SHPRH: variants seen among roughly 807,000 people sequenced by gnomAD.
SHPRH encodes E3 ubiquitin-protein ligase SHPRH.
SHPRH carries 106 observed loss-of-function variants against 202.5 expected under a neutral mutation model. The ratio of observed to expected loss-of-function variants is 0.52; its 90% CI spans 0.45 to 0.62. The LOEUF (loss-of-function observed/expected upper bound fraction) is 0.62, where lower values mean the gene tolerates loss of function less well. Ranked by LOEUF, SHPRH falls within the 20% of genes least tolerant of loss-of-function variation. SHPRH has a pLI of 0.00. For missense variants in SHPRH, 1,710 were observed against 2,020.0 expected, an observed-to-expected ratio of 0.85 and a Z score of 2.94; for synonymous variants, 729 against 686.0, an observed-to-expected ratio of 1.06 and a Z score of -0.98.
downstream of SHPRH, among the ~76,000 whole-genome samples, chr6:145,862,440 A>AC (rs1554219706): frequency 7.8e-5 from 10 of 127,770 alleles, no homozygotes; most frequent in South Asian, 2.6e-4. Context: ...AAACAAAACA[A>AC]AAAAACAAAA....
chr6:145,909,112 T>G (rs1375039602), intron 25 of SHPRH: 1 of 152,102 alleles, frequency 6.6e-6, no homozygotes, highest in Non-Finnish European at 1.5e-5. Flanking sequence ...TATGTCTGTT[T>G]TGGTACCATT....
downstream of SHPRH, among the ~76,000 whole-genome samples, chr6:145,882,646 T>G (rs1312301672): frequency 6.6e-6 from 1 of 152,116 alleles, no homozygotes; most frequent in Non-Finnish European, 1.5e-5. Flanking sequence ...CAATGGAAAT[T>G]TTTACAAAGG....
Position 145,910,521 on chromosome 6 carries a change from G to C in SHPRH, c.4442C>G (p.Thr1481Ser). ...ATACGAGATTTCTTTGTGAGATGTGGTCTGGCGGCAGATTGCACACTTAAT... is the reference window on the plus strand; with the variant it reads ...ATACGAGATTTCTTTGTGAGATGTGCTCTGGCGGCAGATTGCACACTTAAT... ...SSIKCAICRQ[T>S]TSHKEISYVF... Residue 1481 changes from threonine to serine, a missense_variant, in exon 25 of 30, where the codon ACC becomes AGC. By Grantham distance (58) the Thr-to-Ser change is moderately conservative. Around this residue, in one of 8 missense-constraint regions of SHPRH, gnomAD observed 306 missense variants for 479.5 expected, o/e 0.64. Transcript: ENST00000275233. 1 of 1,612,966 alleles carries C rather than the reference G, an allele frequency of 6.2e-7. No individual in the cohort carries two copies. The highest frequency in any genetic ancestry group is 8.5e-7 in the Non-Finnish European group (1 of 1,179,572).
rs1418607696 is a variant in SHPRH, at chr6:145,885,069, G to A, written c.*1622C>T. On this transcript the variant is annotated 3_prime_UTR_variant, in exon 30 of 30. Coordinates refer to ENST00000275233, the MANE Select transcript of SHPRH (RefSeq NM_001042683.3). Reference sequence around the variant, plus strand: ...CATGACATGTTATTAGTAAAAGAATGTAAGATATGGAGTCAGGGGACCTGG... The same window carrying A: ...CATGACATGTTATTAGTAAAAGAATATAAGATATGGAGTCAGGGGACCTGG... 1 of 152,142 alleles carries A rather than the reference G, an allele frequency of 6.6e-6. No individual in the cohort carries two copies. The highest frequency in any genetic ancestry group is 6.5e-5 in the Admixed American group (1 of 15,270). 9.4% of individuals were successfully genotyped at this position (152,142 alleles called of 1,614,324 possible). A position where few individuals can be genotyped will look rare whatever the true frequency, so the allele number is the denominator to read the frequency against.
intron 25 of SHPRH, among the ~76,000 whole-genome samples, chr6:145,901,736 T>TTAAC (rs1378615094): frequency 6.6e-6 from 1 of 150,952 alleles, no homozygotes; most frequent in Non-Finnish European, 1.5e-5. Context: ...AAAGTTGTAC[T>TTAAC]TAACTATAAG....
At chr6:145,883,513 A>AAGG (rs1473952568), downstream of SHPRH, 4 of 152,250 alleles carry the variant, frequency 2.6e-5, no homozygotes, top group Non-Finnish European at 5.9e-5. Context: ...GGGGTTATCA[A>AAGG]TTACTTACAT....
intron 11 of SHPRH, 144 bp from the exon 12 acceptor site, chr6:145,935,585 C>T: frequency 1.3e-6 from 1 of 757,892 alleles, no homozygotes; most frequent in South Asian, 2.1e-5. Context: ...ATCTGAAATT[C>T]AATTCCAATT....
chr6:145,945,285 C>A (rs1462693800), intron 8 of SHPRH, 96 bp downstream of exon 8: 1 of 1,370,902 alleles, frequency 7.3e-7, no homozygotes, highest in African/African-American at 1.5e-5. Flanking sequence ...ATCTTCAGAT[C>A]GTAAGAGTTT....
chr6:145,918,845 T>C (rs904609494), intron 22 of SHPRH: 1 of 153,230 alleles, frequency 6.5e-6, no homozygotes, highest in African/African-American at 2.4e-5. Context: ...AATAATATCT[T>C]TTAATGGAGA....
In SHPRH at chr6:145,934,984, C is replaced by T. The variant is rs541209871; in HGVS notation, c.2913G>A (p.Leu971=). Residue 971 remains leucine (L), a synonymous_variant, in exon 13 of 30, where the codon CTG becomes CTA. Coordinates refer to ENST00000275233, the MANE Select transcript of SHPRH (RefSeq NM_001042683.3). ...CCTGTCTGAGCCTCAGCAATGGATA[C>T]AGGATAGAGGTGACAGTCCTTCTGT... ...SLDRRTVTSI[L]YPLLRLRQAC... is the part of the protein sequence containing the mutation. 2 of 1,614,010 alleles carry T rather than the reference C, an allele frequency of 1.2e-6. No homozygotes were observed. Among genetic ancestry groups the T allele is most frequent in the Non-Finnish European group, 1.7e-6 (2 of 1,179,976 alleles).
intron 25 of SHPRH, among the ~76,000 whole-genome samples, chr6:145,898,355 CAT>C (rs1302782402): frequency 3.3e-5 from 5 of 152,074 alleles, no homozygotes; most frequent in African/African-American, 9.7e-5. Flanking sequence ...AATGGAAAGA[CAT>C]ATGTTCATGA....
chr6:145,943,314 C>A lies in SHPRH; in HGVS notation c.2067G>T (p.Val689=). Residue 689 remains valine, a synonymous_variant, in exon 9 of 30, where the codon GTG becomes GTT. Coordinates refer to ENST00000275233, the MANE Select transcript of SHPRH (RefSeq NM_001042683.3). ...KCHLWQHAKC[V]NYDEKNLKIK... ...TCTTCAGATTTTTCTCATCATAATT[C>A]ACACACTTTGCATGTTGCCACAGGT... 1 of 1,613,768 alleles carries A rather than the reference C, an allele frequency of 6.2e-7. No individual in the cohort carries two copies. Among genetic ancestry groups the A allele is most frequent in the Non-Finnish European group, 8.5e-7 (1 of 1,179,920 alleles).
At position 145,962,906 on chromosome 6, in the gene SHPRH, A is replaced by C. The variant is rs549921796; in HGVS notation, c.-33+825T>G. Among the ~76,000 whole-genome samples the C allele has an allele frequency of 2.0e-5, 3 of 152,332 alleles. No homozygotes were observed. In the South Asian group the frequency reaches 6.2e-4, roughly 32 times the overall value. On this transcript the variant is annotated intron_variant, in intron 1 of 29. Transcript: ENST00000275233. ...CTGAATGCTAAAATATGCTAGTTAC[A>C]TAAACTTTAAAAATGCCCTCATAAG...
At chr6:145,904,647 A>C (rs1423014595) in intron 25 of SHPRH, 3 of 152,264 alleles carry the variant, frequency 2.0e-5, no homozygotes. Context: ...TAACAGAAAA[A>C]GCAGTGAAGA....
intron 14 of SHPRH, among the ~76,000 whole-genome samples, chr6:145,931,584 C>T (rs1785448489): frequency 6.6e-6 from 1 of 152,238 alleles, no homozygotes; most frequent in Admixed American, 6.5e-5. Flanking sequence ...GATCTGCCTG[C>T]CTCGGCTTCC....
chr6:145,911,107 A>C (rs1783452531), intron 24 of SHPRH, among the ~76,000 whole-genome samples: 1 of 152,128 alleles, frequency 6.6e-6, no homozygotes, highest in African/African-American at 2.4e-5. Context: ...TATTTAAAAA[A>C]TTACAAACAA....
chr6:145,884,720 G>T (rs553538397), downstream of SHPRH: 1 of 152,104 alleles, frequency 6.6e-6, no homozygotes, highest in East Asian at 1.9e-4. Context: ...GGATTCTATA[G>T]TATTAGCCAT....
Position 145,955,032 on chromosome 6 carries a change from T to C in SHPRH, c.291A>G (p.Val97=), listed in dbSNP as rs199803327. Residue 97 remains valine, a synonymous_variant, in exon 2 of 30, where the codon GTA becomes GTG. Coordinates refer to ENST00000275233, the MANE Select transcript of SHPRH (RefSeq NM_001042683.3). ...AGGGAGAAATCACAATATTTAACTTTACAGACAAAGGGGAAAAAATACCAA... is the reference window on the plus strand; with the variant it reads ...AGGGAGAAATCACAATATTTAACTTCACAGACAAAGGGGAAAAAATACCAA... The part of the protein sequence containing the change: ...ETVGIFSPLS[V]KLNIVISPYH... 587 of 1,613,250 alleles carry C rather than the reference T, an allele frequency of 3.6e-4. 2 individuals are homozygous for C. The highest frequency in any genetic ancestry group is 4.6e-4 in the Non-Finnish European group (545 of 1,179,914).
At position 145,922,687 on chromosome 6, in the gene SHPRH, C is replaced by T. The variant is rs773579203; in HGVS notation, c.3695G>A (p.Arg1232Gln). 9 of 1,608,098 alleles carry T rather than the reference C, an allele frequency of 5.6e-6. No homozygotes were observed. The highest frequency in any genetic ancestry group is 5.5e-5 in the South Asian group (5 of 90,356). The change falls in exon 19 of 30, where the codon CGA (arginine) becomes CAA (glutamine). Residue 1232 changes from arginine (R) to glutamine (Q), a missense_variant. Transcript: ENST00000275233. ...VIESATVCHLRPARLPLNCCV... is the reference protein window; with the variant it reads ...VIESATVCHLQPARLPLNCCV... The stretch of plus-strand genomic sequence containing the variant: ...CCAGTTGAGAGGAAGTCTGGCTGGT[C>T]GGAGGTGACAGACTGTTGCAGACTC...
Sources: gnomAD v4.1 joint callset for allele counts (sites outside exome capture counted in the v4.1 genomes callset) on GRCh38, gnomAD v4.1.1 for gene constraint, gnomAD v4.1.1 regional missense constraint, MANE v1.5 for transcripts, NCBI Gene and HGNC (gene_info 2026-07-23, HGNC 2026-07-21) for gene names.